The following SAMTOR variants were observed in gnomAD, a reference collection of about 807,000 sequenced individuals.
SAMTOR encodes the protein UPF0532 protein C7orf60.
chr7:112,897,256 C>A, the SAMTOR span, among the ~76,000 whole-genome samples: 1 of 152,024 alleles, frequency 6.6e-6, no homozygotes, highest in African/African-American at 2.4e-5. Flanking sequence ...TAAGTGTAAA[C>A]AACTGTAAAT....
At chr7:112,838,371 A>G in the SAMTOR span, among the ~76,000 whole-genome samples, 1 of 151,894 alleles carries the variant, frequency 6.6e-6, no homozygotes, top group Non-Finnish European at 1.5e-5. Flanking sequence ...TACTTTTTGA[A>G]TGTTTCCTCA....
the SAMTOR span, among the ~76,000 whole-genome samples, chr7:112,898,677 G>A: frequency 6.6e-6 from 1 of 150,964 alleles, no homozygotes; most frequent in Non-Finnish European, 1.5e-5. Flanking sequence ...CCCAGCATGA[G>A]GCCAGCTGTG....
the SAMTOR span, chr7:112,939,549 G>A: frequency 1.2e-6 from 2 of 1,613,408 alleles, no homozygotes; most frequent in Non-Finnish European, 1.7e-6. Context: ...GGTTGGGGGT[G>A]ATGAGGCCTC....
the SAMTOR span, chr7:112,821,712 G>A: frequency 2.3e-5 from 35 of 1,545,852 alleles, no homozygotes; most frequent in Middle Eastern, 2.0e-4. Flanking sequence ...TAGTTTAGGA[G>A]CCTGGACTGA....
chr7:112,934,962 C>T, the SAMTOR span, among the ~76,000 whole-genome samples: 2 of 152,114 alleles, frequency 1.3e-5, no homozygotes, highest in South Asian at 2.1e-4. Context: ...TATAAATGGT[C>T]CCTTTATCTT....
At chr7:112,857,662 GAAGAATTTAGA>G in the SAMTOR span, among the ~76,000 whole-genome samples, 1 of 152,140 alleles carries the variant, frequency 6.6e-6, no homozygotes, top group Non-Finnish European at 1.5e-5. Flanking sequence ...CATCACAGAA[GAAGAATTTAGA>G]AGAAAAGGTA....
the SAMTOR span, among the ~76,000 whole-genome samples, chr7:112,939,017 C>T: frequency 6.6e-6 from 1 of 152,188 alleles, no homozygotes; most frequent in Non-Finnish European, 1.5e-5. Flanking sequence ...AGCCCGCCCC[C>T]TTTTAACAAT....
chr7:112,899,195 G>A, the SAMTOR span, among the ~76,000 whole-genome samples: 10 of 152,032 alleles, frequency 6.6e-5, no homozygotes, highest in Admixed American at 5.2e-4. Context: ...CAAAAAAACA[G>A]AGAAGGAATT....
the SAMTOR span, among the ~76,000 whole-genome samples, chr7:112,842,022 T>C: frequency 6.6e-6 from 1 of 152,064 alleles, no homozygotes; most frequent in African/African-American, 2.4e-5. Flanking sequence ...AAAGCCTTTA[T>C]AGGTCTGTTC....
chr7:112,824,357 TTG>T, the SAMTOR span, among the ~76,000 whole-genome samples: 1 of 151,994 alleles, frequency 6.6e-6, no homozygotes, highest in Non-Finnish European at 1.5e-5. Flanking sequence ...TTTTTTTTGT[TTG>T]TTTGTTTTTT....
At chr7:112,880,617 C>A in the SAMTOR span, among the ~76,000 whole-genome samples, 1 of 151,894 alleles carries the variant, frequency 6.6e-6, no homozygotes, top group African/African-American at 2.4e-5. Flanking sequence ...TTACAGAGGA[C>A]TTAATATCTT....
the SAMTOR span, among the ~76,000 whole-genome samples, chr7:112,834,970 C>T: frequency 3.3e-5 from 5 of 152,168 alleles, no homozygotes; most frequent in African/African-American, 4.8e-5. Context: ...ACCATACTCA[C>T]GTAATTTTTA....
the SAMTOR span, among the ~76,000 whole-genome samples, chr7:112,875,515 T>G: frequency 6.6e-6 from 1 of 152,138 alleles, no homozygotes; most frequent in Non-Finnish European, 1.5e-5. Flanking sequence ...TTCAAAAGAT[T>G]AATATTTTTC....
chr7:112,842,722 T>C, the SAMTOR span, among the ~76,000 whole-genome samples: 1 of 152,010 alleles, frequency 6.6e-6, no homozygotes, highest in Admixed American at 6.6e-5. Flanking sequence ...GTTTTGTTAC[T>C]GTTCATTGAT....
the SAMTOR span, among the ~76,000 whole-genome samples, chr7:112,931,160 T>G: frequency 4.3e-4 from 66 of 152,330 alleles, no homozygotes; most frequent in African/African-American, 1.5e-3. Flanking sequence ...CAACTGGTCA[T>G]TTAGTTTAAC....
At chr7:112,842,220 G>C in the SAMTOR span, among the ~76,000 whole-genome samples, 1 of 151,944 alleles carries the variant, frequency 6.6e-6, no homozygotes, top group South Asian at 2.1e-4. Flanking sequence ...TAAATACAAG[G>C]TTTAAAGTTT....
chr7:112,905,156 C>A, the SAMTOR span, among the ~76,000 whole-genome samples: 584 of 152,296 alleles, frequency 3.8e-3, 2 homozygotes, highest in African/African-American at 0.013. Context: ...TTTACTCTGC[C>A]CTGCCTTGGC....
chr7:112,823,214 G>GA, the SAMTOR span, among the ~76,000 whole-genome samples: 3 of 152,006 alleles, frequency 2.0e-5, no homozygotes, highest in African/African-American at 7.2e-5. Flanking sequence ...TCTAGTACCT[G>GA]AAAAAAAGAT....
chr7:112,918,106 G>C, the SAMTOR span, among the ~76,000 whole-genome samples: 2 of 152,126 alleles, frequency 1.3e-5, no homozygotes, highest in East Asian at 3.9e-4. Flanking sequence ...ACGCCACAAA[G>C]ATACTCCTAA....
Sources: allele counts gnomAD v4.1 joint callset (sites outside exome capture counted in the v4.1 genomes callset), GRCh38; gene constraint gnomAD v4.1.1; transcripts MANE v1.5; gene names NCBI Gene and HGNC (gene_info 2026-07-23, HGNC 2026-07-21).